SCAPER: variants seen among roughly 807,000 people sequenced by gnomAD.
SCAPER encodes the protein S phase cyclin A-associated protein in the endoplasmic reticulum.
Under a neutral mutation model 182.2 loss-of-function variants are expected in SCAPER, and 98 were observed. The observed-to-expected ratio is 0.54, with a 90% confidence interval of 0.46 to 0.64. The LOEUF (loss-of-function observed/expected upper bound fraction) is 0.64. SCAPER is among the 30% of genes least tolerant of loss of function. The pLI, the probability that SCAPER is intolerant of heterozygous loss-of-function variation, is 0.00. For synonymous variants in SCAPER, 605 were observed against 564.6 expected (o/e 1.07, Z -1.01); for missense variants, 1,432 against 1,690.0 (o/e 0.85, Z 2.68).
chr15:76,748,066 C>T (rs1440604312), intron 15 of SCAPER, among the ~76,000 whole-genome samples: 1 of 150,874 alleles, frequency 6.6e-6, no homozygotes, highest in Non-Finnish European at 1.5e-5. Flanking sequence ...TCTTGGCTCA[C>T]AGCAACCTCC....
intron 5 of SCAPER, among the ~76,000 whole-genome samples, chr15:76,817,703 T>C (rs2067198753): frequency 6.6e-6 from 1 of 152,068 alleles, no homozygotes. Context: ...AATATATATG[T>C]AAATAAACAG....
At chr15:76,394,243 A>G (rs2043898478) in intron 27 of SCAPER, among the ~76,000 whole-genome samples, 3 of 152,194 alleles carry the variant, frequency 2.0e-5, no homozygotes, top group South Asian at 4.1e-4. Flanking sequence ...TCAGCTTGGT[A>G]TAAGGAGAGA....
intron 21 of SCAPER, among the ~76,000 whole-genome samples, chr15:76,658,311 A>G (rs1268886451): frequency 1.3e-5 from 2 of 152,194 alleles, no homozygotes; most frequent in Admixed American, 1.3e-4. Context: ...CCCATTCACA[A>G]TAGCCACAAA....
At chr15:76,457,810 T>C (rs958735689) in intron 25 of SCAPER, among the ~76,000 whole-genome samples, 2 of 152,184 alleles carry the variant, frequency 1.3e-5, no homozygotes, top group Non-Finnish European at 2.9e-5. Flanking sequence ...AATTTAACCA[T>C]CACATGTATT....
At chr15:76,699,916 AG>A (rs1396831889) in intron 20 of SCAPER, among the ~76,000 whole-genome samples, 1 of 152,242 alleles carries the variant, frequency 6.6e-6, no homozygotes, top group Non-Finnish European at 1.5e-5. Context: ...CGGTGCCAGT[AG>A]CAGCATGGTG....
rs2049735825 is a variant in SCAPER at position 76,599,263 on chromosome 15, G to A, written c.2711+22501C>T. ...GCCTAAAATTAAAAAGATTGACAACGTCAAATATTACCAAGGATATGAAAC... is the reference window on the plus strand; with the variant it reads ...GCCTAAAATTAAAAAGATTGACAACATCAAATATTACCAAGGATATGAAAC... On this transcript the variant is annotated intron_variant, in intron 22 of 31. Coordinates refer to ENST00000563290, the MANE Select transcript of SCAPER (RefSeq NM_020843.4). 1.7e-5 allele frequency among the ~76,000 whole-genome samples: 2 copies of A among 121,130 alleles called. 1 individual carries two copies. The highest frequency in any genetic ancestry group is 4.0e-5 in the Non-Finnish European group (2 of 49,972). 79.5% of individuals were successfully genotyped at this position (121,130 alleles called of 152,430 possible). A position where few individuals can be genotyped will look rare whatever the true frequency, so the allele number is the denominator to read the frequency against.
At chr15:76,563,772 G>A (rs1415508270) in intron 23 of SCAPER, among the ~76,000 whole-genome samples, 1 of 152,060 alleles carries the variant, frequency 6.6e-6, no homozygotes, top group Non-Finnish European at 1.5e-5. Flanking sequence ...ACAAAATACT[G>A]GCAATCCAAA....
chr15:76,864,945 T>G (rs976094757), intron 2 of SCAPER, among the ~76,000 whole-genome samples: 2 of 152,162 alleles, frequency 1.3e-5, no homozygotes, highest in African/African-American at 4.8e-5. Context: ...CTGAAGCATT[T>G]GAGAACAATC....
intron 26 of SCAPER, 67 bp from the exon 27 acceptor site, chr15:76,404,746 T>C (rs1278464289): frequency 2.0e-6 from 3 of 1,519,384 alleles, no homozygotes; most frequent in Admixed American, 3.6e-5. Context: ...CCTTCAATGA[T>C]AAATGCTACC....
chr15:76,708,277 C>T (rs1220137023), intron 17 of SCAPER, among the ~76,000 whole-genome samples: 1 of 151,934 alleles, frequency 6.6e-6, no homozygotes, highest in African/African-American at 2.4e-5. Flanking sequence ...GGGTTGTCTT[C>T]CCGAATATTT....
intron 23 of SCAPER, among the ~76,000 whole-genome samples, chr15:76,527,023 C>T (rs1475661099): frequency 6.6e-6 from 1 of 151,988 alleles, no homozygotes; most frequent in Non-Finnish European, 1.5e-5. Context: ...AGATGCCCAA[C>T]ACCATGACTG....
chr15:76,771,674 G>A, intron 10 of SCAPER, 68 bp downstream of exon 10: 2 of 1,058,384 alleles, frequency 1.9e-6, no homozygotes, highest in South Asian at 1.4e-5. Flanking sequence ...TATTATTATT[G>A]GGGTTTATGC....
chr15:76,779,208 T>C (rs966716644), intron 8 of SCAPER, among the ~76,000 whole-genome samples: 1 of 151,904 alleles, frequency 6.6e-6, no homozygotes, highest in African/African-American at 2.4e-5. Context: ...AAATGACATA[T>C]ATACAAAAAT....
chr15:76,514,962 C>A (rs964430234), intron 23 of SCAPER, among the ~76,000 whole-genome samples: 9 of 152,196 alleles, frequency 5.9e-5, no homozygotes, highest in Non-Finnish European at 1.3e-4. Flanking sequence ...CTATAATCTA[C>A]ATAAATATCT....
intron 25 of SCAPER, among the ~76,000 whole-genome samples, chr15:76,462,316 A>G (rs1239920289): frequency 4.6e-5 from 7 of 152,154 alleles, no homozygotes; most frequent in African/African-American, 9.7e-5. Flanking sequence ...TACTTTACTC[A>G]GCATTTACAT....
chr15:76,750,650 G>A lies in SCAPER; in HGVS notation c.1866+3158C>T, dbSNP rs139255634. Among the ~76,000 whole-genome samples, 702 of 151,812 alleles carry A rather than the reference G, an allele frequency of 4.6e-3. 8 individuals are homozygous for A. Among genetic ancestry groups the A allele is most frequent in the African/African-American group, 0.016 (669 of 41,468 alleles). ...AACATTACACATTAACAGAATTAAA[G>A]AGGAAAAAAACACACAGTCTCAACT... On this transcript the variant is annotated intron_variant, in intron 15 of 31. Transcript: ENST00000563290.
In SCAPER at chr15:76,545,567, C is replaced by A. The variant is rs556653660; in HGVS notation, c.2838+28591G>T. ...AGCTTTCTAATGTCAATAACGAGAA[C>A]CCTGGATAAAATATATGAAACAACT... On this transcript the variant is annotated intron_variant, in intron 23 of 31. Coordinates refer to ENST00000563290, the MANE Select transcript of SCAPER (RefSeq NM_020843.4). 3.0e-4 allele frequency among the ~76,000 whole-genome samples: 46 copies of A among 152,132 alleles called. 1 individual carries two copies. The highest frequency in any genetic ancestry group is 1.1e-3 in the African/African-American group (44 of 41,496).
chr15:76,487,747 T>C (rs2051800380), intron 24 of SCAPER, among the ~76,000 whole-genome samples: 1 of 152,198 alleles, frequency 6.6e-6, no homozygotes. Context: ...TTTAATCTCC[T>C]GCAATTCTTA....
At chr15:76,885,141 A>G (rs1200122313) in intron 1 of SCAPER, among the ~76,000 whole-genome samples, 1 of 152,210 alleles carries the variant, frequency 6.6e-6, no homozygotes, top group Non-Finnish European at 1.5e-5. Context: ...CCATTTTTAA[A>G]TGGGGAAATT....
Sources: allele counts gnomAD v4.1 joint callset (sites outside exome capture counted in the v4.1 genomes callset), GRCh38; gene constraint gnomAD v4.1.1; transcripts MANE v1.5; gene names NCBI Gene and HGNC (gene_info 2026-07-23, HGNC 2026-07-21).